BMPR1A: variants seen among roughly 807,000 people sequenced by gnomAD.
BMPR1A encodes bone morphogenetic protein receptor type 1A.
In BMPR1A, 7 loss-of-function variants were observed where a neutral mutation model predicts 66.0. The observed-to-expected ratio is 0.11, with a 90% CI of 0.06 to 0.20. The LOEUF is 0.20. Ranked by LOEUF, BMPR1A falls within the 10% of genes least tolerant of loss-of-function variation. The pLI is 1.00. For synonymous variants in BMPR1A, 200 were observed against 229.7 expected (o/e 0.87, Z 1.17); for missense variants, 408 against 669.1 (o/e 0.61, Z 4.31).
chr10:86,895,002 T>TC (rs1843205631), intron 5 of BMPR1A, among the ~76,000 whole-genome samples: 1 of 152,204 alleles, frequency 6.6e-6, no homozygotes, highest in African/African-American at 2.4e-5. Context: ...CTTTTCATAG[T>TC]CAACCCCTCC....
At chr10:86,856,015 C>A in intron 2 of BMPR1A, 1 of 624,330 alleles carries the variant, frequency 1.6e-6, no homozygotes, top group South Asian at 1.5e-5. Flanking sequence ...GGATGCCTCT[C>A]ACCGTACTGG....
intron 2 of BMPR1A, among the ~76,000 whole-genome samples, chr10:86,869,186 G>A (rs573213924): frequency 2.0e-5 from 3 of 152,296 alleles, no homozygotes; most frequent in African/African-American, 2.4e-5. Context: ...GCCAGGCACG[G>A]TGGCTCACAC....
chr10:86,897,380 A>T (rs961447296), intron 5 of BMPR1A, among the ~76,000 whole-genome samples: 1 of 152,170 alleles, frequency 6.6e-6, no homozygotes, highest in African/African-American at 2.4e-5. Flanking sequence ...ACCCAGATAC[A>T]TAGTTAACCT....
At chr10:86,869,795 A>G (rs895518594) in intron 2 of BMPR1A, among the ~76,000 whole-genome samples, 1 of 152,062 alleles carries the variant, frequency 6.6e-6, no homozygotes, top group Non-Finnish European at 1.5e-5. Context: ...TAAGGTTAAT[A>G]TTTTGCTATG....
chr10:86,932,438 G>A (rs981193080), downstream of BMPR1A: 1 of 152,244 alleles, frequency 6.6e-6, no homozygotes, highest in African/African-American at 2.4e-5. Context: ...CTGGAGTACA[G>A]TGGCACAGTC....
intron 5 of BMPR1A, among the ~76,000 whole-genome samples, chr10:86,896,011 G>C (rs887407238): frequency 6.6e-6 from 1 of 151,876 alleles, no homozygotes; most frequent in African/African-American, 2.4e-5. Flanking sequence ...AAAATTAGCC[G>C]GGCGTGGTGG....
chr10:86,904,336 TAAATG>T (rs1194389315), intron 7 of BMPR1A, among the ~76,000 whole-genome samples: 1 of 152,176 alleles, frequency 6.6e-6, no homozygotes, highest in Non-Finnish European at 1.5e-5. Flanking sequence ...AAAGAAATGT[TAAATG>T]AAACAAGAAG....
intron 2 of BMPR1A, among the ~76,000 whole-genome samples, chr10:86,871,343 C>T (rs1383692515): frequency 6.6e-6 from 1 of 152,062 alleles, no homozygotes; most frequent in African/African-American, 2.4e-5. Context: ...TGTTTAAGGA[C>T]TCTGAACTTC....
At chr10:86,875,732 C>A (rs1842912392) in intron 2 of BMPR1A, 135 bp from the exon 3 acceptor site, 57 of 419,420 alleles carry the variant, frequency 1.4e-4, no homozygotes, top group South Asian at 3.7e-4. Context: ...AAAAAAAAAG[C>A]AAGGATACCT....
At chr10:86,843,885 A>C (rs1842452894) in intron 2 of BMPR1A, among the ~76,000 whole-genome samples, 2 of 152,192 alleles carry the variant, frequency 1.3e-5, no homozygotes, top group African/African-American at 4.8e-5. Context: ...GGCACTAGTT[A>C]GGCATAAGCT....
chr10:86,816,961 C>T (rs1307569434), intron 1 of BMPR1A, among the ~76,000 whole-genome samples: 2 of 152,162 alleles, frequency 1.3e-5, no homozygotes, highest in South Asian at 2.1e-4. Context: ...GATCTGTTTG[C>T]ATATTAAATA....
At chr10:86,844,863 G>C (rs144726978) in intron 2 of BMPR1A, among the ~76,000 whole-genome samples, 4,781 of 152,232 alleles carry the variant, frequency 0.031, 171 homozygotes, top group African/African-American at 0.087. Flanking sequence ...TGCAACTTCT[G>C]TCTCCTGGGT....
At chr10:86,761,259 A>G (rs1392799390) in intron 1 of BMPR1A, among the ~76,000 whole-genome samples, 1 of 152,108 alleles carries the variant, frequency 6.6e-6, no homozygotes, top group Admixed American at 6.6e-5. Flanking sequence ...AGTATCTTTT[A>G]TTTACTCTGA....
intron 2 of BMPR1A, among the ~76,000 whole-genome samples, chr10:86,849,627 G>A (rs550146969): frequency 3.9e-5 from 6 of 152,312 alleles, no homozygotes; most frequent in Admixed American, 2.0e-4. Context: ...TACACTCTCC[G>A]ATATGGTTGT....
At chr10:86,816,812 G>A (rs1589729828) in intron 1 of BMPR1A, among the ~76,000 whole-genome samples, 2 of 152,172 alleles carry the variant, frequency 1.3e-5, no homozygotes, top group East Asian at 3.9e-4. Context: ...CATGCAGAGA[G>A]GGTCCAGTTG....
chr10:86,817,958 A>G (rs1311423681), intron 1 of BMPR1A, among the ~76,000 whole-genome samples: 1 of 152,232 alleles, frequency 6.6e-6, no homozygotes, highest in East Asian at 1.9e-4. Context: ...AAAATCTTCA[A>G]TAAAGTACTA....
chr10:86,906,411 AT>A (rs112473102), intron 7 of BMPR1A, among the ~76,000 whole-genome samples: 13,890 of 83,540 alleles, frequency 0.17, 1,277 homozygotes, highest in East Asian at 0.33. Context: ...ATTATCTACT[AT>A]TTTTTTTAAA....
intron 1 of BMPR1A, among the ~76,000 whole-genome samples, chr10:86,832,555 G>A (rs1842286251): frequency 6.6e-6 from 1 of 151,650 alleles, no homozygotes. Flanking sequence ...GACTGTTTTA[G>A]AACACTTTAT....
chr10:86,816,598 T>A (rs2132975054), intron 1 of BMPR1A, among the ~76,000 whole-genome samples: 1 of 152,364 alleles, frequency 6.6e-6, no homozygotes, highest in Middle Eastern at 3.4e-3. Flanking sequence ...GTCTTTAATT[T>A]CTGTCCATGT....
Sources: allele counts gnomAD v4.1 joint callset (sites outside exome capture counted in the v4.1 genomes callset), GRCh38; gene constraint gnomAD v4.1.1; transcripts MANE v1.5; gene names NCBI Gene and HGNC (gene_info 2026-07-23, HGNC 2026-07-21).